USP43: variants seen among roughly 807,000 people sequenced by gnomAD.
The protein encoded by USP43 is ubiquitin carboxyl-terminal hydrolase 43.
In USP43, 33 loss-of-function variants were observed where a neutral mutation model predicts 90.7. The ratio of observed to expected loss-of-function variants is 0.36; its 90% CI spans 0.28 to 0.49. USP43 has a LOEUF of 0.49. Among genes scored for constraint, USP43 ranks in the 20% least tolerant of loss-of-function variants. The pLI is 0.98. For missense variants in USP43, 1,274 were observed against 1,476.4 expected (o/e 0.86, Z 2.25); for synonymous variants, 598 against 615.8 (o/e 0.97, Z 0.43).
chr17:9,656,579 T>C, intron 2 of USP43, 45 bp downstream of exon 2: 2 of 1,548,198 alleles, frequency 1.3e-6, no homozygotes, highest in Non-Finnish European at 8.7e-7. Flanking sequence ...TTTTCTTTTT[T>C]TCTTTTAAAT....
intron 8 of USP43, among the ~76,000 whole-genome samples, chr17:9,690,399 C>A (rs946439175): frequency 1.3e-5 from 2 of 151,910 alleles, no homozygotes; most frequent in African/African-American, 4.8e-5. Context: ...AATGAAGACC[C>A]CGTTGATTTT....
At chr17:9,649,871 C>T (rs1911738614) in intron 1 of USP43, among the ~76,000 whole-genome samples, 1 of 151,986 alleles carries the variant, frequency 6.6e-6, no homozygotes. Flanking sequence ...TAATACACAA[C>T]AATCATTAAT....
At chr17:9,685,233 T>G (rs1914532919) in intron 7 of USP43, among the ~76,000 whole-genome samples, 1 of 152,164 alleles carries the variant, frequency 6.6e-6, no homozygotes. Context: ...CCTCATTGGG[T>G]CTTCACACAG....
intron 7 of USP43, 68 bp downstream of exon 7, chr17:9,683,026 C>G (rs1914396346): frequency 1.3e-6 from 2 of 1,550,018 alleles, no homozygotes; most frequent in East Asian, 2.3e-5. Flanking sequence ...GGGAGCCTGT[C>G]TAGAGTAAAA....
chr17:9,683,027 T>C lies in USP43; in HGVS notation c.1241+69T>C. The C allele has an allele frequency of 2.6e-6, 4 of 1,543,616 alleles. No homozygotes were observed. In the Admixed American group the frequency reaches 7.6e-5, roughly 29 times the overall value. On this transcript the variant is annotated intron_variant, in intron 7 of 14. Coordinates refer to ENST00000285199, the MANE Select transcript of USP43 (RefSeq NM_153210.5). ...GTAGACCTGTACTTGGGAGCCTGTC[T>C]AGAGTAAAATTAAACATTTATTCCC...
At chr17:9,666,868 C>A in intron 3 of USP43, 117 bp downstream of exon 3, 2 of 756,988 alleles carry the variant, frequency 2.6e-6, no homozygotes, top group Non-Finnish European at 4.6e-6. Flanking sequence ...AAACCACAAA[C>A]ACCCTTCTCT....
intron 5 of USP43, among the ~76,000 whole-genome samples, chr17:9,679,232 T>G (rs550931726): frequency 9.9e-5 from 15 of 152,262 alleles, no homozygotes; most frequent in African/African-American, 3.6e-4. Flanking sequence ...GACAGGGTTT[T>G]CCTCTGTTGC....
In USP43 at chr17:9,681,611, A is replaced by C. The variant is rs542383493; in HGVS notation, c.1106-1212A>C. The stretch of plus-strand genomic sequence containing the variant: ...TGGGTTCAAGTGATTCTCCTGCCTC[A>C]GCCTCCCAAGTAGCTGGGACTACAG... On this transcript the variant is annotated intron_variant, in intron 6 of 14. Transcript: ENST00000285199. Among the ~76,000 whole-genome samples, 8 of 148,638 alleles carry C rather than the reference A, an allele frequency of 5.4e-5. No homozygotes were observed. The Admixed American group carries it at 5.5e-4, about 10-fold the overall frequency.
chr17:9,726,710 A>G (rs1917291850), intron 14 of USP43, among the ~76,000 whole-genome samples: 1 of 152,192 alleles, frequency 6.6e-6, no homozygotes, highest in Non-Finnish European at 1.5e-5. Flanking sequence ...CTCAGGGGAC[A>G]CAAACCTTCA....
intron 12 of USP43, among the ~76,000 whole-genome samples, chr17:9,703,489 A>C (rs1915692695): frequency 6.6e-6 from 1 of 152,252 alleles, no homozygotes; most frequent in Non-Finnish European, 1.5e-5. Context: ...GTATGGCAGC[A>C]GAAGGGACGC....
intron 5 of USP43, among the ~76,000 whole-genome samples, chr17:9,679,516 CTTTTTTTTTT>C (rs544977324): frequency 1.2e-5 from 1 of 82,306 alleles, no homozygotes; most frequent in Non-Finnish European, 2.1e-5. Flanking sequence ...TGAAATGCAT[CTTTTTTTTTT>C]TTTTTTTTTT....
At chr17:9,669,174 G>A (rs756413315) in intron 3 of USP43, among the ~76,000 whole-genome samples, 3 of 152,074 alleles carry the variant, frequency 2.0e-5, no homozygotes, top group Non-Finnish European at 2.9e-5. Context: ...GGTGCCCAAC[G>A]CAGAGGGTGC....
Position 9,701,572 on chromosome 17 carries a change from C to T in USP43, c.1883C>T (p.Ala628Val). Residue 628 changes from alanine (A) to valine (V), a missense_variant, in exon 12 of 15, where the codon GCA becomes GTA. By Grantham distance (64) the Ala-to-Val change is moderately conservative (BLOSUM62 0). Coordinates refer to ENST00000285199, the MANE Select transcript of USP43 (RefSeq NM_153210.5). This position sits in a 1 kb window ranked among gnomAD's most constrained non-coding sequence, Gnocchi z 7.2. ...GCCCAGAGAAGCACCAGCCCTGAGGCAGGACTGGGCCCCTGGCCTTCCTGG... is the reference window on the plus strand; with the variant it reads ...GCCCAGAGAAGCACCAGCCCTGAGGTAGGACTGGGCCCCTGGCCTTCCTGG... ...HVAQRSTSPE[A>V]GLGPWPSWKQ... The T allele has an allele frequency of 6.4e-7, 1 of 1,569,222 alleles. No homozygotes were observed. The highest frequency in any genetic ancestry group is 1.4e-5 in the African/African-American group (1 of 73,944).
intron 9 of USP43, among the ~76,000 whole-genome samples, chr17:9,693,748 G>C (rs946357762): frequency 6.6e-6 from 1 of 152,134 alleles, no homozygotes; most frequent in Non-Finnish European, 1.5e-5. Context: ...TGAGGCAGGG[G>C]AATTGCTTGA....
chr17:9,710,987 C>G (rs1251610400), intron 13 of USP43, among the ~76,000 whole-genome samples: 1 of 151,126 alleles, frequency 6.6e-6, no homozygotes. Flanking sequence ...CAAATAAATC[C>G]AAGAGTCCTC....
At chr17:9,725,881 G>A (rs189429104) in intron 14 of USP43, among the ~76,000 whole-genome samples, 74 of 152,242 alleles carry the variant, frequency 4.9e-4, no homozygotes, top group African/African-American at 1.7e-3. Flanking sequence ...GCCCTTCCCA[G>A]GGCTGTGGAA....
chr17:9,677,186 A>C (rs1425117955), intron 5 of USP43, among the ~76,000 whole-genome samples: 1 of 152,204 alleles, frequency 6.6e-6, no homozygotes. Flanking sequence ...TATTCTGTGA[A>C]CTTTCTATTC....
At chr17:9,712,726 C>G (rs1318594858) in intron 14 of USP43, among the ~76,000 whole-genome samples, 1 of 152,126 alleles carries the variant, frequency 6.6e-6, no homozygotes, top group East Asian at 1.9e-4. Flanking sequence ...CCTTTCTGAG[C>G]TAGAGGTATA....
At chr17:9,717,371 GT>G (rs1215680214) in intron 14 of USP43, among the ~76,000 whole-genome samples, 1 of 151,706 alleles carries the variant, frequency 6.6e-6, no homozygotes, top group Non-Finnish European at 1.5e-5. Flanking sequence ...GTGTGTGTGT[GT>G]GTGTGTGTGT....
Sources: gnomAD v4.1 joint callset for allele counts (sites outside exome capture counted in the v4.1 genomes callset) on GRCh38, gnomAD v4.1.1 for gene constraint, Gnocchi (gnomAD v3.1) non-coding constraint, MANE v1.5 for transcripts, NCBI Gene and HGNC (gene_info 2026-07-23, HGNC 2026-07-21) for gene names.